PLD5: variants seen among roughly 807,000 people sequenced by gnomAD.
The protein encoded by PLD5 is inactive phospholipase D5.
Under a neutral mutation model 61.1 loss-of-function variants are expected in PLD5, and 36 were observed. The observed-to-expected ratio is 0.59, with a 90% CI of 0.45 to 0.78. The LOEUF is 0.78. Among genes scored for constraint, PLD5 ranks in the 30% least tolerant of loss-of-function variants. PLD5 has a pLI of 0.00. For synonymous variants in PLD5, 243 were observed against 242.8 expected (o/e 1.00, Z -0.01); for missense variants, 515 against 644.4 (o/e 0.80, Z 2.17).
At chr1:242,469,764 C>T (rs902607327) in intron 1 of PLD5, among the ~76,000 whole-genome samples, 1 of 152,126 alleles carries the variant, frequency 6.6e-6, no homozygotes, top group African/African-American at 2.4e-5. Flanking sequence ...GTCCAGGGAA[C>T]ATGCACGAAC....
intron 1 of PLD5, among the ~76,000 whole-genome samples, chr1:242,349,505 C>T (rs537713188): frequency 1.3e-5 from 2 of 152,208 alleles, no homozygotes; most frequent in East Asian, 1.9e-4. Flanking sequence ...TGGTTTACAA[C>T]GTGTTATTTA....
At chr1:242,343,343 G>T (rs1033909764) in intron 2 of PLD5, among the ~76,000 whole-genome samples, 10 of 152,142 alleles carry the variant, frequency 6.6e-5, no homozygotes, top group African/African-American at 2.4e-4. Flanking sequence ...TAACACATTG[G>T]ACTTCAGAAC....
chr1:242,113,771 T>C (rs916559117), intron 7 of PLD5, 119 bp downstream of exon 7: 2 of 1,238,800 alleles, frequency 1.6e-6, no homozygotes, highest in Non-Finnish European at 2.2e-6. Flanking sequence ...ATGAATGGTG[T>C]GCTCTTCCTA....
At chr1:242,396,711 T>C (rs1663602491) in intron 1 of PLD5, among the ~76,000 whole-genome samples, 1 of 147,766 alleles carries the variant, frequency 6.8e-6, no homozygotes. Context: ...TCTCACTCTG[T>C]CACCAGGCTG....
intron 4 of PLD5, among the ~76,000 whole-genome samples, chr1:242,252,743 C>T (rs2574672): frequency 0.16 from 24,191 of 151,614 alleles, 2,058 homozygotes; most frequent in Non-Finnish European, 0.2. Flanking sequence ...CCGTGGGATC[C>T]CTCGGAATTA....
intron 1 of PLD5, among the ~76,000 whole-genome samples, chr1:242,394,549 T>A (rs199680020): frequency 0.12 from 1,948 of 15,686 alleles, 354 homozygotes; most frequent in Admixed American, 0.16. Context: ...CATATATATG[T>A]GTATATATGT....
chr1:242,511,659 C>T (rs561109992), intron 1 of PLD5, among the ~76,000 whole-genome samples: 5 of 151,810 alleles, frequency 3.3e-5, no homozygotes, highest in African/African-American at 4.8e-5. Context: ...GCCTTTAAAC[C>T]GTCAAGGTGG....
At chr1:242,433,016 A>C (rs1665801210) in intron 1 of PLD5, among the ~76,000 whole-genome samples, 1 of 152,144 alleles carries the variant, frequency 6.6e-6, no homozygotes, top group Non-Finnish European at 1.5e-5. Context: ...TGACCCAAAA[A>C]TGTCAACCCT....
rs1039951533 is a variant in PLD5, at chr1:242,429,072, C to T, written c.190-80830G>A. 4.3e-4 allele frequency among the ~76,000 whole-genome samples: 65 copies of T among 152,278 alleles called. 1 individual carries two copies. Among genetic ancestry groups the T allele is most frequent in the African/African-American group, 1.6e-3 (65 of 41,554 alleles). ...CCTCATGATGCCATGGTTCTGTGAACAGCGAGCTACAGTTCAAAGTTGAAT... is the reference window on the plus strand; with the variant it reads ...CCTCATGATGCCATGGTTCTGTGAATAGCGAGCTACAGTTCAAAGTTGAAT... On this transcript the variant is annotated intron_variant, in intron 1 of 9. Transcript: ENST00000536534.
intron 1 of PLD5, among the ~76,000 whole-genome samples, chr1:242,348,865 T>A (rs534162878): frequency 1.2e-4 from 19 of 152,100 alleles, no homozygotes; most frequent in African/African-American, 4.3e-4. Flanking sequence ...CCGTCCTGGC[T>A]AACACGGTGA....
intron 4 of PLD5, among the ~76,000 whole-genome samples, chr1:242,237,628 C>G (rs1671724904): frequency 1.3e-5 from 2 of 152,060 alleles, no homozygotes; most frequent in South Asian, 4.1e-4. Context: ...AGATATAGTC[C>G]CTCAGTGCCC....
At chr1:242,271,568 T>C (rs1674087721) in intron 3 of PLD5, among the ~76,000 whole-genome samples, 1 of 152,112 alleles carries the variant, frequency 6.6e-6, no homozygotes, top group Non-Finnish European at 1.5e-5. Context: ...TACATGGTTG[T>C]ATAGCCTATG....
At chr1:242,303,657 T>G (rs1197109270) in intron 2 of PLD5, among the ~76,000 whole-genome samples, 1 of 152,172 alleles carries the variant, frequency 6.6e-6, no homozygotes, top group Non-Finnish European at 1.5e-5. Flanking sequence ...CTCTTCAAAT[T>G]AAAGCACAGT....
intron 1 of PLD5, among the ~76,000 whole-genome samples, chr1:242,372,523 C>T (rs559930291): frequency 3.0e-4 from 45 of 152,242 alleles, no homozygotes; most frequent in East Asian, 1.2e-3. Flanking sequence ...GGAGGCATCA[C>T]GCTACCTGAC....
At chr1:242,321,039 T>C (rs1328436062) in intron 2 of PLD5, among the ~76,000 whole-genome samples, 1 of 152,172 alleles carries the variant, frequency 6.6e-6, no homozygotes, top group Non-Finnish European at 1.5e-5. Context: ...CATTCTACTA[T>C]CAACCGAAAG....
chr1:242,463,816 G>T (rs780362347), intron 1 of PLD5, among the ~76,000 whole-genome samples: 1 of 151,620 alleles, frequency 6.6e-6, no homozygotes, highest in Non-Finnish European at 1.5e-5. Flanking sequence ...ACACTCATTA[G>T]CATACAGAAT....
Position 242,087,241 on chromosome 1 carries a change from G to A in PLD5, c.*2613C>T, listed in dbSNP as rs1221977446. 1 of 152,146 alleles carries A rather than the reference G, an allele frequency of 6.6e-6. No homozygotes were observed. Among genetic ancestry groups the A allele is most frequent in the Non-Finnish European group, 1.5e-5 (1 of 68,058 alleles). The allele number at this position is 152,146 out of a possible 1,614,324, so 9.4% of individuals were successfully genotyped here. A position where few individuals can be genotyped will look rare whatever the true frequency, so the allele number is the denominator to read the frequency against. ...ACTCCCCTGATTAGGGGCTTGCTGT[G>A]TCTGGTAGGCATCTGCTGCTGCTGC... On this transcript the variant is annotated 3_prime_UTR_variant, in exon 10 of 10. Coordinates refer to ENST00000536534, the MANE Select transcript of PLD5 (RefSeq NM_001372062.1).
At chr1:242,332,295 A>C (rs1382835194) in intron 2 of PLD5, among the ~76,000 whole-genome samples, 1 of 152,180 alleles carries the variant, frequency 6.6e-6, no homozygotes, top group Admixed American at 6.5e-5. Flanking sequence ...ACTGATGGGC[A>C]TGTGGGTTGG....
At chr1:242,166,222 G>T (rs1666290917) in intron 5 of PLD5, among the ~76,000 whole-genome samples, 2 of 152,220 alleles carry the variant, frequency 1.3e-5, no homozygotes, top group Non-Finnish European at 2.9e-5. Context: ...AGCCACAAGG[G>T]CATCTGCCAG....
Sources: allele counts gnomAD v4.1 joint callset (sites outside exome capture counted in the v4.1 genomes callset), GRCh38; gene constraint gnomAD v4.1.1; transcripts MANE v1.5; gene names NCBI Gene and HGNC (gene_info 2026-07-23, HGNC 2026-07-21).